Variants in WWOX observed in about 807,000 individuals in gnomAD.
WWOX encodes the protein WW domain-containing oxidoreductase.
WWOX carries 69 observed loss-of-function variants against 46.2 expected under a neutral mutation model. The ratio of observed to expected loss-of-function variants is 1.49; its 90% CI spans 1.23 to 1.82. The LOEUF (loss-of-function observed/expected upper bound fraction) is 1.82. WWOX is among the 40% of genes most tolerant of loss of function. The probability of loss-of-function intolerance (pLI) is 0.00; values close to 1 mark genes in which losing one functional copy is unlikely to be tolerated. For missense variants in WWOX, 919 were observed against 542.6 expected, an observed-to-expected ratio of 1.69 and a Z score of -6.89; for synonymous variants, 359 against 202.6, an observed-to-expected ratio of 1.77 and a Z score of -6.56.
chr16:78,681,309 G>A (rs976877724), intron 8 of WWOX, among the ~76,000 whole-genome samples: 1 of 152,284 alleles, frequency 6.6e-6, no homozygotes, highest in Non-Finnish European at 1.5e-5. Flanking sequence ...GGAGGCTGAG[G>A]TGGGAGGATG....
intron 8 of WWOX, among the ~76,000 whole-genome samples, chr16:78,955,801 C>G (rs2046154202): frequency 6.6e-6 from 1 of 150,906 alleles, no homozygotes; most frequent in East Asian, 2.0e-4. Flanking sequence ...TTGTACATCA[C>G]CACCTCTGGC....
chr16:78,749,728 A>G (rs761401039), intron 8 of WWOX, among the ~76,000 whole-genome samples: 1 of 152,142 alleles, frequency 6.6e-6, no homozygotes, highest in Non-Finnish European at 1.5e-5. Flanking sequence ...GGCCAAATAG[A>G]TTGCCTCCGT....
rs1256716938 is a variant in WWOX at position 78,115,004 on chromosome 16, G to C, written c.259G>C (p.Asp87His). The change falls in exon 4 of 9, where the codon GAC becomes CAC. Residue 87 changes from aspartate (D) to histidine (H), a missense_variant. Transcript: ENST00000566780. Reference sequence around the variant, plus strand: ...TATAAATAAAAGAACCACCTACTTGGACCCAAGACTGGCGTTTACTGTGGA... The same window carrying C: ...TATAAATAAAAGAACCACCTACTTGCACCCAAGACTGGCGTTTACTGTGGA... The part of the protein sequence containing the change: ...DHINKRTTYL[D>H]PRLAFTVDDN... The C allele has an allele frequency of 6.2e-7, 1 of 1,614,134 alleles. No homozygotes were observed. Among genetic ancestry groups the C allele is most frequent in the Non-Finnish European group, 8.5e-7 (1 of 1,180,040 alleles).
chr16:78,809,739 C>G (rs189408144), intron 8 of WWOX, among the ~76,000 whole-genome samples: 43 of 152,242 alleles, frequency 2.8e-4, no homozygotes, highest in African/African-American at 1.0e-3. Flanking sequence ...GTTGTCATGA[C>G]AATTTCTCAA....
chr16:78,571,427 G>C (rs1024425877), intron 8 of WWOX, among the ~76,000 whole-genome samples: 1 of 152,112 alleles, frequency 6.6e-6, no homozygotes, highest in Non-Finnish European at 1.5e-5. Context: ...GACACATTAT[G>C]TTTTAACTTT....
chr16:78,299,813 G>T (rs1182415973), intron 5 of WWOX, among the ~76,000 whole-genome samples: 1 of 152,098 alleles, frequency 6.6e-6, no homozygotes, highest in African/African-American at 2.4e-5. Flanking sequence ...ACAGGTGTCA[G>T]TTACCGCACT....
chr16:78,801,134 G>A (rs8045254), intron 8 of WWOX, among the ~76,000 whole-genome samples: 1 of 151,472 alleles, frequency 6.6e-6, no homozygotes, highest in Non-Finnish European at 1.5e-5. Flanking sequence ...GCTCACTGCA[G>A]CCTCCACCTC....
intron 6 of WWOX, among the ~76,000 whole-genome samples, chr16:78,411,894 G>C (rs8044154): frequency 0.096 from 14,537 of 152,160 alleles, 1,116 homozygotes; most frequent in African/African-American, 0.21. Context: ...AGAGGAGAGC[G>C]GAGAGGGAAG....
intron 8 of WWOX, among the ~76,000 whole-genome samples, chr16:79,068,872 G>C (rs572865624): frequency 2.0e-5 from 3 of 150,446 alleles, no homozygotes; most frequent in African/African-American, 7.3e-5. Context: ...TAAAGAAAGC[G>C]AGAGAGGAGG....
chr16:78,419,039 C>T (rs1190854214), intron 6 of WWOX, among the ~76,000 whole-genome samples: 1 of 152,118 alleles, frequency 6.6e-6, no homozygotes, highest in Non-Finnish European at 1.5e-5. Context: ...ATCACCTTAT[C>T]TGTAGAAAAT....
At chr16:79,003,606 A>C (rs4888914) in intron 8 of WWOX, among the ~76,000 whole-genome samples, 2,367 of 152,258 alleles carry the variant, frequency 0.016, 15 homozygotes, top group Middle Eastern at 0.048. Context: ...GGCCTTGGAG[A>C]GTCTAGGATG....
intron 8 of WWOX, among the ~76,000 whole-genome samples, chr16:78,475,087 A>T (rs1053035626): frequency 2.0e-5 from 3 of 152,174 alleles, no homozygotes; most frequent in Non-Finnish European, 4.4e-5. Flanking sequence ...TCTGTGACTG[A>T]TAAAACCACT....
At chr16:78,412,282 C>T (rs79508321) in intron 6 of WWOX, among the ~76,000 whole-genome samples, 8,880 of 151,958 alleles carry the variant, frequency 0.058, 417 homozygotes, top group Admixed American at 0.16. Flanking sequence ...GGTATCAGGA[C>T]GGGGAGGAGA....
intron 8 of WWOX, among the ~76,000 whole-genome samples, chr16:78,923,704 G>A (rs2045431660): frequency 6.6e-6 from 1 of 150,706 alleles, no homozygotes; most frequent in Non-Finnish European, 1.5e-5. Flanking sequence ...TCAAGAAAAA[G>A]TAGTTTTTAT....
intron 8 of WWOX, among the ~76,000 whole-genome samples, chr16:78,712,597 A>G (rs1039228604): frequency 6.6e-6 from 1 of 152,122 alleles, no homozygotes; most frequent in African/African-American, 2.4e-5. Context: ...ATTTAGGGGA[A>G]CCTGCTCTCA....
chr16:78,711,697 G>C (rs1008147199), intron 8 of WWOX, among the ~76,000 whole-genome samples: 32 of 152,130 alleles, frequency 2.1e-4, no homozygotes, highest in African/African-American at 7.2e-4. Context: ...AGGGGACGCA[G>C]CACAGTTTGA....
intron 5 of WWOX, among the ~76,000 whole-genome samples, chr16:78,366,259 C>A (rs563540395): frequency 6.6e-6 from 1 of 152,210 alleles, no homozygotes; most frequent in Non-Finnish European, 1.5e-5. Flanking sequence ...AAGTGAAATA[C>A]TGTTAAACTT....
intron 8 of WWOX, among the ~76,000 whole-genome samples, chr16:79,175,533 G>C (rs751909791): frequency 1.3e-5 from 2 of 152,194 alleles, no homozygotes; most frequent in Non-Finnish European, 2.9e-5. Flanking sequence ...TTTCTCACTT[G>C]TCCTTGTTTT....
chr16:78,437,959 C>G (rs1222873998), intron 8 of WWOX, among the ~76,000 whole-genome samples: 2 of 152,084 alleles, frequency 1.3e-5, no homozygotes, highest in Non-Finnish European at 2.9e-5. Flanking sequence ...ATTTTAGTAT[C>G]TATATTTATA....
Sources: gnomAD v4.1 joint callset for allele counts (sites outside exome capture counted in the v4.1 genomes callset) on GRCh38, gnomAD v4.1.1 for gene constraint, MANE v1.5 for transcripts, NCBI Gene and HGNC (gene_info 2026-07-23, HGNC 2026-07-21) for gene names.